The following EXOC6 variants were observed in gnomAD, a reference collection of about 807,000 sequenced individuals.
EXOC6 encodes SEC15-like 1.
In EXOC6, 60 loss-of-function variants were observed where a neutral mutation model predicts 112.5. The observed-to-expected ratio is 0.53, with a 90% CI of 0.43 to 0.66. The LOEUF (loss-of-function observed/expected upper bound fraction) is 0.66. Among genes scored for constraint, EXOC6 ranks in the 30% least tolerant of loss-of-function variants. The probability of loss-of-function intolerance (pLI) is 0.00; values close to 1 mark genes in which losing one functional copy is unlikely to be tolerated. For synonymous variants in EXOC6, 295 were observed against 308.0 expected, an observed-to-expected ratio of 0.96 and a Z score of 0.44; for missense variants, 855 against 957.1, an observed-to-expected ratio of 0.89 and a Z score of 1.41.
chr10:93,046,084 A>G (rs1447284727), intron 20 of EXOC6, among the ~76,000 whole-genome samples: 1 of 152,232 alleles, frequency 6.6e-6, no homozygotes, highest in Non-Finnish European at 1.5e-5. Context: ...GACTTATGAA[A>G]TTATGTATCA....
intron 1 of EXOC6, among the ~76,000 whole-genome samples, chr10:92,829,496 C>T (rs1372054380): frequency 2.0e-5 from 3 of 152,198 alleles, no homozygotes; most frequent in Admixed American, 2.0e-4. Context: ...GACAACAACG[C>T]CAGACAACAA....
At chr10:92,862,126 T>C (rs1335694018) in intron 1 of EXOC6, among the ~76,000 whole-genome samples, 2 of 152,232 alleles carry the variant, frequency 1.3e-5, no homozygotes, top group Non-Finnish European at 2.9e-5. Flanking sequence ...AGAAACCTTG[T>C]ACACATTAAA....
At chr10:92,907,951 AAGTT>A (rs537912355) in intron 5 of EXOC6, among the ~76,000 whole-genome samples, 310 of 152,072 alleles carry the variant, frequency 2.0e-3, no homozygotes, top group Non-Finnish European at 3.6e-3. Flanking sequence ...TCTAATTTTT[AAGTT>A]AGTTGTAATA....
intron 18 of EXOC6, among the ~76,000 whole-genome samples, chr10:92,974,701 G>C (rs1273395655): frequency 7.9e-5 from 12 of 151,154 alleles, no homozygotes; most frequent in East Asian, 4.0e-4. Context: ...GAGTGCCTGC[G>C]ATTGCAGGCG....
In EXOC6 at chr10:92,909,475, T is replaced by C. The variant is rs760095304; in HGVS notation, c.507T>C (p.Phe169=). 3.5e-5 allele frequency: 56 copies of C among 1,613,522 alleles called. No individual in the cohort carries two copies. Among genetic ancestry groups the C allele is most frequent in the Non-Finnish European group, 3.4e-5 (40 of 1,179,742 alleles). The change falls in exon 6 of 22, where the codon TTT becomes TTC. Residue 169 remains phenylalanine (F), a synonymous_variant. Coordinates refer to ENST00000260762, the MANE Select transcript of EXOC6 (RefSeq NM_019053.6). ...KTMEQLENVY[F]PWVSQYRFCQ... ...TGGAACAATTAGAGAATGTGTACTT[T>C]CCCTGGGTTAGTCAATACCGGTTTT...
intron 12 of EXOC6, 65 bp downstream of exon 12, chr10:92,935,950 T>C (rs1223422773): frequency 1.0e-6 from 1 of 1,002,502 alleles, no homozygotes; most frequent in Non-Finnish European, 1.5e-6. Flanking sequence ...ATATAGGCTA[T>C]ACTCATTTAT....
At chr10:93,043,170 C>G (rs1430735596) in intron 20 of EXOC6, among the ~76,000 whole-genome samples, 1 of 151,836 alleles carries the variant, frequency 6.6e-6, no homozygotes, top group Admixed American at 6.6e-5. Flanking sequence ...CTTCTGACCT[C>G]GTGATCCACC....
At chr10:92,973,611 T>A (rs1189266448) in intron 17 of EXOC6, among the ~76,000 whole-genome samples, 1 of 152,212 alleles carries the variant, frequency 6.6e-6, no homozygotes, top group East Asian at 1.9e-4. Context: ...CTCTTCTGCC[T>A]CCACCCCTGC....
chr10:92,986,644 A>G (rs1843019807), intron 18 of EXOC6, among the ~76,000 whole-genome samples: 1 of 151,770 alleles, frequency 6.6e-6, no homozygotes, highest in Admixed American at 6.6e-5. Flanking sequence ...CTAATATAAT[A>G]AAGTTAAATC....
intron 20 of EXOC6, among the ~76,000 whole-genome samples, chr10:93,023,281 A>C (rs748871968): frequency 3.3e-5 from 5 of 152,194 alleles, no homozygotes; most frequent in Non-Finnish European, 7.3e-5. Context: ...ATGAGCTGAT[A>C]CAAGAGGAAA....
At chr10:92,872,784 C>G (rs1350296721) in intron 1 of EXOC6, among the ~76,000 whole-genome samples, 2 of 151,878 alleles carry the variant, frequency 1.3e-5, no homozygotes, top group Non-Finnish European at 2.9e-5. Flanking sequence ...GTGTAAAGCT[C>G]AATTAATTTT....
At chr10:93,028,833 T>TG (rs1845139834) in intron 20 of EXOC6, among the ~76,000 whole-genome samples, 2 of 56,596 alleles carry the variant, frequency 3.5e-5, no homozygotes, top group South Asian at 1.0e-3. Context: ...AAACTCCATC[T>TG]CAAAAAAAAA....
At chr10:93,008,731 T>C (rs1844107851) in intron 19 of EXOC6, among the ~76,000 whole-genome samples, 1 of 152,222 alleles carries the variant, frequency 6.6e-6, no homozygotes, top group Non-Finnish European at 1.5e-5. Context: ...ATTGACTGTT[T>C]CCTAGGTGAC....
At chr10:92,989,130 A>G (rs1843128512) in intron 18 of EXOC6, among the ~76,000 whole-genome samples, 1 of 152,194 alleles carries the variant, frequency 6.6e-6, no homozygotes, top group Non-Finnish European at 1.5e-5. Flanking sequence ...GTCAGGAACT[A>G]CATCTATTCA....
chr10:92,845,267 T>G (rs1167720641), upstream of EXOC6, among the ~76,000 whole-genome samples: 1 of 152,292 alleles, frequency 6.6e-6, no homozygotes, highest in Middle Eastern at 3.4e-3. Flanking sequence ...CATTCACTCC[T>G]TGGGGCTGGG....
chr10:92,987,058 A>G (rs575796108), intron 18 of EXOC6, among the ~76,000 whole-genome samples: 1 of 152,304 alleles, frequency 6.6e-6, no homozygotes, highest in African/African-American at 2.4e-5. Flanking sequence ...GACTTATCCT[A>G]AGCATCTTCA....
intron 4 of EXOC6, among the ~76,000 whole-genome samples, chr10:92,899,162 G>A (rs1170867163): frequency 1.3e-5 from 2 of 152,108 alleles, no homozygotes; most frequent in East Asian, 3.8e-4. Flanking sequence ...TTTAACACAA[G>A]TGTGTTATTT....
At chr10:92,907,795 C>G (rs995746420) in intron 5 of EXOC6, among the ~76,000 whole-genome samples, 6 of 152,052 alleles carry the variant, frequency 3.9e-5, no homozygotes, top group Non-Finnish European at 2.9e-5. Flanking sequence ...CTTCATCAAG[C>G]CTTTAATATC....
intron 19 of EXOC6, among the ~76,000 whole-genome samples, chr10:92,998,059 G>T (rs563737778): frequency 6.6e-6 from 1 of 152,180 alleles, no homozygotes; most frequent in East Asian, 1.9e-4. Flanking sequence ...CCTTTCCTTA[G>T]ATTTCACAAG....
Sources: allele counts gnomAD v4.1 joint callset (sites outside exome capture counted in the v4.1 genomes callset), GRCh38; gene constraint gnomAD v4.1.1; transcripts MANE v1.5; gene names NCBI Gene and HGNC (gene_info 2026-07-23, HGNC 2026-07-21).